The following BPIFB6 variants were observed in gnomAD, a reference collection of about 807,000 sequenced individuals.
BPIFB6 encodes the protein BPI fold-containing family B member 6.
A neutral mutation model predicts 54.7 loss-of-function variants in BPIFB6; 47 were observed. That is an observed-to-expected ratio of 0.86 (90% CI 0.68 to 1.10). The LOEUF (loss-of-function observed/expected upper bound fraction) is 1.10, where lower values mean the gene tolerates loss of function less well. Among genes scored for constraint, BPIFB6 ranks in the 50% least tolerant of loss-of-function variants. BPIFB6 has a pLI of 0.00. For missense variants in BPIFB6, 603 were observed against 564.1 expected, an observed-to-expected ratio of 1.07 and a Z score of -0.70; for synonymous variants, 255 against 225.9, an observed-to-expected ratio of 1.13 and a Z score of -1.16.
intron 3 of BPIFB6, among the ~76,000 whole-genome samples, 195 bp from the exon 4 acceptor site, chr20:33,034,568 G>T (rs988248424): frequency 1.3e-5 from 2 of 152,316 alleles, no homozygotes; most frequent in South Asian, 4.1e-4. Flanking sequence ...GTGTGTAGGG[G>T]TTCACCAAAA....
At chr20:33,041,400 T>C (rs1381615960) in intron 11 of BPIFB6, among the ~76,000 whole-genome samples, 3 of 152,152 alleles carry the variant, frequency 2.0e-5, no homozygotes, top group Admixed American at 6.5e-5. Context: ...CTTTGTTGAC[T>C]AAATTCTCAG....
chr20:33,037,954 G>A (rs747384640), intron 8 of BPIFB6, among the ~76,000 whole-genome samples: 54 of 152,082 alleles, frequency 3.6e-4, no homozygotes, highest in African/African-American at 1.2e-3. Flanking sequence ...CCATCAGTCC[G>A]TACAACCAAC....
chr20:33,040,805 C>T (rs867562308), intron 11 of BPIFB6, among the ~76,000 whole-genome samples: 1 of 152,312 alleles, frequency 6.6e-6, no homozygotes, highest in East Asian at 1.9e-4. Context: ...GAGGGTACTA[C>T]AAACAACTTA....
chr20:33,037,845 G>T, intron 8 of BPIFB6, 107 bp downstream of exon 8: 1 of 1,271,764 alleles, frequency 7.9e-7, no homozygotes. Context: ...GCAACACTAG[G>T]ACTGGAAGAT....
At chr20:33,037,029 C>T (rs1312420705) in intron 7 of BPIFB6, among the ~76,000 whole-genome samples, 1 of 152,128 alleles carries the variant, frequency 6.6e-6, no homozygotes, top group East Asian at 1.9e-4. Flanking sequence ...CGGATGGGAA[C>T]ATTGAGACCT....
In BPIFB6 at chr20:33,032,842, A is replaced by T; in HGVS notation, c.98-142A>T. ...ATTGCTGGTGACTCCATCTTCCCCC[A>T]TTAGGCTGGGGCGCTGTGGGACTCA... On this transcript the variant is annotated intron_variant, in intron 1 of 14. Coordinates refer to ENST00000349552, the MANE Select transcript of BPIFB6 (RefSeq NM_174897.2). 3.0e-5 allele frequency: 19 copies of T among 630,142 alleles called. No homozygotes were observed. In the South Asian group the frequency reaches 3.4e-4, roughly 11 times the overall value. The allele number at this position is 630,142 out of a possible 1,614,324, so 39.0% of individuals were successfully genotyped here. A position where few individuals can be genotyped will look rare whatever the true frequency, so the allele number is the denominator to read the frequency against.
intron 6 of BPIFB6, among the ~76,000 whole-genome samples, chr20:33,035,989 C>T (rs879464066): frequency 1.3e-5 from 2 of 152,124 alleles, no homozygotes; most frequent in Middle Eastern, 3.2e-3. Context: ...ATGCCTGAAT[C>T]GCCTTTGCTG....
intron 1 of BPIFB6, 139 bp downstream of exon 1, chr20:33,031,883 C>T: frequency 2.9e-6 from 2 of 693,286 alleles, no homozygotes; most frequent in East Asian, 2.8e-5. Context: ...TATTATTATT[C>T]TCCCACTTTA....
chr20:33,040,181 T>C, intron 10 of BPIFB6, 70 bp from the exon 11 acceptor site: 1 of 1,384,616 alleles, frequency 7.2e-7, no homozygotes, highest in Non-Finnish European at 1.0e-6. Context: ...AGGGTGGTGG[T>C]CTCTGGCTTT....
At chr20:33,040,388 C>T in intron 11 of BPIFB6, 70 bp downstream of exon 11, 1 of 1,448,370 alleles carries the variant, frequency 6.9e-7, no homozygotes, top group Non-Finnish European at 9.6e-7. Flanking sequence ...TAGCACACCC[C>T]ACACTACCGA....
At chr20:33,041,939 C>T (rs767277285) in intron 11 of BPIFB6, 31 bp from the exon 12 acceptor site, 64 of 1,611,718 alleles carry the variant, frequency 4.0e-5, no homozygotes, top group Admixed American at 3.7e-4. Context: ...TTTCCCCTCC[C>T]CGCCTGGCTT....
At chr20:33,035,519 A>G in intron 5 of BPIFB6, 93 bp from the exon 6 acceptor site, 1 of 1,343,472 alleles carries the variant, frequency 7.4e-7, no homozygotes, top group Non-Finnish European at 1.1e-6. Flanking sequence ...CTGTCCCACC[A>G]GGGCTCTTGG....
Position 33,032,991 on chromosome 20 carries a change from GAGC to G in BPIFB6, c.106_108del (p.Ser36del). 3 of 1,613,776 alleles carry G rather than the reference GAGC, an allele frequency of 1.9e-6. No homozygotes were observed. The South Asian group carries it at 3.3e-5, about 18-fold the overall frequency. ...TAAGTGTCTCCACTCCAGAGGTCCAGAGCGCCATGGATGAGAGTCATATCCTGG... is the reference window on the plus strand; with the variant it reads ...TAAGTGTCTCCACTCCAGAGGTCCAGGCCATGGATGAGAGTCATATCCTGG... On this transcript the variant is annotated inframe_deletion, in exon 2 of 15. Coordinates refer to ENST00000349552, the MANE Select transcript of BPIFB6 (RefSeq NM_174897.2).
At chr20:33,042,328 G>A (rs2146369249) in intron 12 of BPIFB6, among the ~76,000 whole-genome samples, 2 of 152,290 alleles carry the variant, frequency 1.3e-5, no homozygotes, top group Non-Finnish European at 2.9e-5. Flanking sequence ...TAGCCTCAGG[G>A]CCCAACACAG....
chr20:33,035,024 C>G (rs1371585089), intron 4 of BPIFB6, 57 bp from the exon 5 acceptor site: 25 of 1,610,496 alleles, frequency 1.6e-5, no homozygotes, highest in Non-Finnish European at 2.1e-5. Flanking sequence ...TGTCCTGTGC[C>G]TAAATTCCTG....
Position 33,040,857 on chromosome 20 carries a change from T to C in BPIFB6, c.1142+539T>C, listed in dbSNP as rs554097018. Among the ~76,000 whole-genome samples, 15 of 152,346 alleles carry C rather than the reference T, an allele frequency of 9.8e-5. No individual in the cohort carries two copies. In the East Asian group the frequency reaches 1.9e-3, roughly 20 times the overall value. On this transcript the variant is annotated intron_variant, in intron 11 of 14. Transcript: ENST00000349552. ...CTATTAATTCTTGTACTTGCCTTAA[T>C]AATGAATCACATCAGGATTAATTAT...
At chr20:33,041,924 C>T (rs555899635) in intron 11 of BPIFB6, 46 bp from the exon 12 acceptor site, 125 of 1,591,206 alleles carry the variant, frequency 7.9e-5, no homozygotes, top group Middle Eastern at 1.7e-4. Flanking sequence ...TGGCTCTGAC[C>T]GTTCTTTCCC....
intron 2 of BPIFB6, 136 bp downstream of exon 2, chr20:33,033,219 G>GCTGTGT (rs1171304728): frequency 6.8e-6 from 5 of 737,122 alleles, no homozygotes; most frequent in Non-Finnish European, 1.2e-5. Context: ...GTGCTGTCTT[G>GCTGTGT]CTGTGTGGCC....
At chr20:33,039,710 T>A (rs976159200) in intron 10 of BPIFB6, among the ~76,000 whole-genome samples, 190 bp downstream of exon 10, 5 of 152,256 alleles carry the variant, frequency 3.3e-5, no homozygotes, top group African/African-American at 9.6e-5. Context: ...GGTCAGTGGC[T>A]TAGTCCTTCC....
Sources: gnomAD v4.1 joint callset for allele counts (sites outside exome capture counted in the v4.1 genomes callset) on GRCh38, gnomAD v4.1.1 for gene constraint, MANE v1.5 for transcripts, NCBI Gene and HGNC (gene_info 2026-07-23, HGNC 2026-07-21) for gene names.